Variants in TNFSF4 observed in about 807,000 individuals in gnomAD.
TNFSF4 encodes TNF superfamily member 4.
A neutral mutation model predicts 7.3 loss-of-function variants in TNFSF4; 4 were observed. The observed-to-expected ratio is 0.55, with a 90% confidence interval of 0.27 to 1.25. The LOEUF (loss-of-function observed/expected upper bound fraction) is 1.25, where lower values mean the gene tolerates loss of function less well. Ranked by LOEUF, TNFSF4 falls within the 50% of genes most tolerant of loss-of-function variation. The pLI is 0.12. For missense variants in TNFSF4, 181 were observed against 208.8 expected, an observed-to-expected ratio of 0.87 and a Z score of 0.82; for synonymous variants, 76 against 83.7, an observed-to-expected ratio of 0.91 and a Z score of 0.50.
chr1:173,259,852 A>T, the TNFSF4 span, among the ~76,000 whole-genome samples: 1 of 152,166 alleles, frequency 6.6e-6, no homozygotes, highest in Non-Finnish European at 1.5e-5. Flanking sequence ...ATGTAAAAAG[A>T]CCAAACCTAC....
At chr1:173,383,597 C>T in the TNFSF4 span, among the ~76,000 whole-genome samples, 2 of 152,132 alleles carry the variant, frequency 1.3e-5, no homozygotes, top group Non-Finnish European at 2.9e-5. Context: ...AATATTAAAC[C>T]AGTTATTCTC....
At chr1:173,264,303 A>G in the TNFSF4 span, among the ~76,000 whole-genome samples, 1 of 146,856 alleles carries the variant, frequency 6.8e-6, no homozygotes, top group African/African-American at 2.5e-5. Flanking sequence ...GCATGCCACC[A>G]CATCTGGCTT....
chr1:173,359,779 T>C, the TNFSF4 span, among the ~76,000 whole-genome samples: 1 of 152,344 alleles, frequency 6.6e-6, no homozygotes, highest in South Asian at 2.1e-4. Flanking sequence ...AATCTTTCCA[T>C]TTCAGGACAC....
chr1:173,358,493 GAAA>G, the TNFSF4 span, among the ~76,000 whole-genome samples: 1 of 152,282 alleles, frequency 6.6e-6, no homozygotes, highest in South Asian at 2.1e-4. Flanking sequence ...AACCACTTTG[GAAA>G]ACTATTTGGA....
the TNFSF4 span, among the ~76,000 whole-genome samples, chr1:173,444,305 C>G: frequency 6.6e-6 from 1 of 152,150 alleles, no homozygotes; most frequent in Non-Finnish European, 1.5e-5. Flanking sequence ...TATCTGTACA[C>G]ATACTCTGAA....
chr1:173,230,308 A>C, the TNFSF4 span, among the ~76,000 whole-genome samples: 4 of 152,256 alleles, frequency 2.6e-5, no homozygotes, highest in Non-Finnish European at 5.9e-5. Context: ...TGTAAACTGA[A>C]CAACCTGCTC....
chr1:173,364,273 T>A, the TNFSF4 span, among the ~76,000 whole-genome samples: 2 of 148,408 alleles, frequency 1.3e-5, no homozygotes, highest in African/African-American at 5.0e-5. Context: ...TCATAACATA[T>A]TGTTCAAAAA....
the TNFSF4 span, among the ~76,000 whole-genome samples, chr1:173,429,194 G>T: frequency 6.6e-6 from 1 of 151,704 alleles, no homozygotes; most frequent in African/African-American, 2.4e-5. Flanking sequence ...TTTTTTTCAT[G>T]TTAAAACATT....
chr1:173,376,205 CATCAATGATAGAATGG>C, the TNFSF4 span, among the ~76,000 whole-genome samples: 3 of 152,166 alleles, frequency 2.0e-5, no homozygotes, highest in African/African-American at 7.2e-5. Flanking sequence ...CCCAAATGCC[CATCAATGATAGAATGG>C]ATAAAGAAAA....
chr1:173,324,339 G>A, the TNFSF4 span, among the ~76,000 whole-genome samples: 1 of 152,166 alleles, frequency 6.6e-6, no homozygotes, highest in Admixed American at 6.5e-5. Context: ...CACCAGGCCT[G>A]CCCTAAGAGA....
chr1:173,343,150 A>G, the TNFSF4 span, among the ~76,000 whole-genome samples: 482 of 152,298 alleles, frequency 3.2e-3, 1 homozygote, highest in African/African-American at 0.011. Flanking sequence ...ATGTGCCAGC[A>G]CTCATGTAGG....
the TNFSF4 span, among the ~76,000 whole-genome samples, chr1:173,303,273 C>T: frequency 6.6e-6 from 1 of 151,794 alleles, no homozygotes; most frequent in South Asian, 2.1e-4. Context: ...CCCAAGTCTG[C>T]TTTTAGCTTA....
chr1:173,368,761 A>G, the TNFSF4 span, among the ~76,000 whole-genome samples: 1 of 151,992 alleles, frequency 6.6e-6, no homozygotes, highest in African/African-American at 2.4e-5. Context: ...ATCACCCAAG[A>G]GAGACTAGCC....
chr1:173,373,922 A>G, the TNFSF4 span, among the ~76,000 whole-genome samples: 1 of 152,214 alleles, frequency 6.6e-6, no homozygotes, highest in Non-Finnish European at 1.5e-5. Context: ...TGGCTTTTAA[A>G]GCCACAGCAA....
the TNFSF4 span, among the ~76,000 whole-genome samples, chr1:173,284,680 T>G: frequency 6.6e-6 from 1 of 152,108 alleles, no homozygotes; most frequent in African/African-American, 2.4e-5. Context: ...CCTAGGGCCC[T>G]TAAGTAAAAA....
chr1:173,363,025 A>G, the TNFSF4 span: 2 of 388,656 alleles, frequency 5.1e-6, no homozygotes, highest in South Asian at 2.4e-5. Flanking sequence ...ATCTTCAATA[A>G]TAAGTCTATT....
chr1:173,228,230 C>T, the TNFSF4 span, among the ~76,000 whole-genome samples: 2 of 152,210 alleles, frequency 1.3e-5, no homozygotes, highest in Admixed American at 6.5e-5. Context: ...TGAGACAAAG[C>T]TTCCAGAGGA....
the TNFSF4 span, among the ~76,000 whole-genome samples, chr1:173,364,679 C>G: frequency 1.3e-5 from 2 of 151,792 alleles, no homozygotes; most frequent in Non-Finnish European, 2.9e-5. Context: ...CTAATTATAT[C>G]ACTTTAAAGT....
At chr1:173,418,836 G>A in the TNFSF4 span, among the ~76,000 whole-genome samples, 2 of 152,192 alleles carry the variant, frequency 1.3e-5, no homozygotes, top group African/African-American at 2.4e-5. Flanking sequence ...GGTAGTGGCT[G>A]TGGAAGCCTG....
Sources: allele counts gnomAD v4.1 joint callset (sites outside exome capture counted in the v4.1 genomes callset), GRCh38; gene constraint gnomAD v4.1.1; transcripts MANE v1.5; gene names NCBI Gene and HGNC (gene_info 2026-07-23, HGNC 2026-07-21).